DIAPH3: variants seen among roughly 807,000 people sequenced by gnomAD.
DIAPH3 encodes the protein protein diaphanous homolog 3.
A neutral mutation model predicts 144.3 loss-of-function variants in DIAPH3; 117 were observed. The ratio of observed to expected loss-of-function variants is 0.81; its 90% CI spans 0.70 to 0.95. The LOEUF is 0.95. DIAPH3 is among the 40% of genes least tolerant of loss of function. The probability of loss-of-function intolerance (pLI) is 0.00; values close to 1 mark genes in which losing one functional copy is unlikely to be tolerated. For missense variants in DIAPH3, 1,421 were observed against 1,412.7 expected (o/e 1.01, Z -0.09); for synonymous variants, 519 against 488.9 (o/e 1.06, Z -0.81).
chr13:59,947,023 A>G (rs1179565512), intron 17 of DIAPH3, among the ~76,000 whole-genome samples: 1 of 152,230 alleles, frequency 6.6e-6, no homozygotes, highest in Non-Finnish European at 1.5e-5. Context: ...ATCCCTCATC[A>G]GAACCCATTG....
intron 1 of DIAPH3, among the ~76,000 whole-genome samples, chr13:60,154,443 T>C (rs1395667479): frequency 6.6e-6 from 1 of 152,158 alleles, no homozygotes; most frequent in Admixed American, 6.5e-5. Flanking sequence ...TCATAAATGT[T>C]ACTCATAACG....
At chr13:59,759,085 T>G (rs1392793054) in intron 27 of DIAPH3, among the ~76,000 whole-genome samples, 1 of 151,380 alleles carries the variant, frequency 6.6e-6, no homozygotes, top group African/African-American at 2.4e-5. Context: ...AGACACCACA[T>G]CCAGACCAGT....
intron 25 of DIAPH3, among the ~76,000 whole-genome samples, chr13:59,784,508 T>A (rs2038924575): frequency 6.6e-6 from 1 of 152,166 alleles, no homozygotes; most frequent in South Asian, 2.1e-4. Context: ...TCAGAGTAGC[T>A]GGGATTATAG....
intron 25 of DIAPH3, among the ~76,000 whole-genome samples, chr13:59,776,090 A>G (rs1196225154): frequency 2.0e-5 from 3 of 152,238 alleles, no homozygotes; most frequent in Non-Finnish European, 1.5e-5. Flanking sequence ...AATAATGGAA[A>G]GCTATTTTCC....
intron 18 of DIAPH3, among the ~76,000 whole-genome samples, chr13:59,919,641 T>G (rs954796191): frequency 3.3e-5 from 5 of 152,086 alleles, no homozygotes; most frequent in East Asian, 1.9e-4. Flanking sequence ...CAGCCCTGTC[T>G]TATAAAAATT....
intron 20 of DIAPH3, among the ~76,000 whole-genome samples, chr13:59,901,766 CA>C (rs1389160494): frequency 3.9e-5 from 6 of 152,098 alleles, no homozygotes; most frequent in Admixed American, 3.9e-4. Context: ...TACAGTCTAC[CA>C]ATACAAACTC....
intron 2 of DIAPH3, among the ~76,000 whole-genome samples, chr13:60,114,649 AC>A (rs2058656118): frequency 1.3e-5 from 2 of 149,912 alleles, no homozygotes; most frequent in African/African-American, 4.9e-5. Context: ...AAAGACACAC[AC>A]ACACACACAC....
At chr13:59,801,799 A>G (rs536410553) in intron 25 of DIAPH3, among the ~76,000 whole-genome samples, 38 of 152,370 alleles carry the variant, frequency 2.5e-4, no homozygotes, top group Non-Finnish European at 4.4e-4. Flanking sequence ...CAATATTTTA[A>G]AATCCTATTA....
At chr13:60,157,026 C>T (rs1566834238) in intron 1 of DIAPH3, among the ~76,000 whole-genome samples, 1 of 147,904 alleles carries the variant, frequency 6.8e-6, no homozygotes, top group Admixed American at 6.8e-5. Flanking sequence ...CTCACTGCAA[C>T]CTTTGCCTCC....
chr13:60,140,634 G>A (rs1206287727), intron 1 of DIAPH3, among the ~76,000 whole-genome samples: 1 of 151,982 alleles, frequency 6.6e-6, no homozygotes, highest in Non-Finnish European at 1.5e-5. Context: ...TCTGGATTAT[G>A]GGATTTGTGG....
intron 1 of DIAPH3, among the ~76,000 whole-genome samples, chr13:60,161,441 G>A (rs1373563679): frequency 6.6e-6 from 1 of 152,220 alleles, no homozygotes; most frequent in African/African-American, 2.4e-5. Context: ...AGCTGCTCAG[G>A]AAGCAGTCTT....
intron 1 of DIAPH3, 28 bp downstream of exon 1, chr13:60,163,559 C>A (rs769241759): frequency 1.3e-6 from 2 of 1,562,484 alleles, no homozygotes; most frequent in South Asian, 2.4e-5. Context: ...GCGGGAGCGG[C>A]CCCACCCTAG....
At chr13:59,765,503 C>G (rs1215773455) in intron 27 of DIAPH3, among the ~76,000 whole-genome samples, 1 of 152,116 alleles carries the variant, frequency 6.6e-6, no homozygotes, top group Non-Finnish European at 1.5e-5. Context: ...GAAAAGAAAA[C>G]TTAAAGACAA....
intron 25 of DIAPH3, among the ~76,000 whole-genome samples, chr13:59,779,280 C>T (rs1337392233): frequency 6.6e-6 from 1 of 152,182 alleles, no homozygotes; most frequent in African/African-American, 2.4e-5. Context: ...CTATTATATA[C>T]ATAATCATTC....
At chr13:59,821,893 A>C (rs544813493) in intron 24 of DIAPH3, among the ~76,000 whole-genome samples, 46 of 152,316 alleles carry the variant, frequency 3.0e-4, no homozygotes, top group Non-Finnish European at 5.4e-4. Flanking sequence ...AAAATGGGAA[A>C]CTATCCTTTG....
intron 27 of DIAPH3, among the ~76,000 whole-genome samples, chr13:59,725,532 A>C (rs946828271): frequency 6.6e-6 from 1 of 152,212 alleles, no homozygotes; most frequent in East Asian, 1.9e-4. Flanking sequence ...TCTATTGCAA[A>C]TAATTAGCAT....
chr13:59,681,053 A>G (rs2032917835), intron 27 of DIAPH3, among the ~76,000 whole-genome samples: 1 of 152,196 alleles, frequency 6.6e-6, no homozygotes, highest in South Asian at 2.1e-4. Flanking sequence ...CTCCTGGTAT[A>G]TACAAATCTT....
intron 27 of DIAPH3, among the ~76,000 whole-genome samples, chr13:59,700,800 T>C (rs985772423): frequency 6.6e-6 from 1 of 152,182 alleles, no homozygotes; most frequent in Non-Finnish European, 1.5e-5. Context: ...ATAATAAAGA[T>C]TGCTTGGTTA....
chr13:59,745,899 T>C (rs1311381004), intron 27 of DIAPH3, among the ~76,000 whole-genome samples: 1 of 152,248 alleles, frequency 6.6e-6, no homozygotes, highest in African/African-American at 2.4e-5. Context: ...ATTGAAAATA[T>C]GTTTCAAGCT....
Sources: allele counts gnomAD v4.1 joint callset (sites outside exome capture counted in the v4.1 genomes callset), GRCh38; gene constraint gnomAD v4.1.1; transcripts MANE v1.5; gene names NCBI Gene and HGNC (gene_info 2026-07-23, HGNC 2026-07-21).